The following PXDNL variants were observed in gnomAD, a reference collection of about 807,000 sequenced individuals.
PXDNL encodes probable oxidoreductase PXDNL.
A neutral mutation model predicts 150.8 loss-of-function variants in PXDNL; 145 were observed. The ratio of observed to expected loss-of-function variants is 0.96; its 90% CI spans 0.84 to 1.10. PXDNL has a LOEUF of 1.10. Ranked by LOEUF, PXDNL falls within the 50% of genes least tolerant of loss-of-function variation. PXDNL has a pLI of 0.00. For missense variants in PXDNL, 2,087 were observed against 1,873.9 expected (o/e 1.11, Z -2.10); for synonymous variants, 757 against 725.7 (o/e 1.04, Z -0.69).
chr8:51,368,153 C>T (rs1265630695), intron 19 of PXDNL, among the ~76,000 whole-genome samples: 1 of 151,982 alleles, frequency 6.6e-6, no homozygotes, highest in African/African-American at 2.4e-5. Flanking sequence ...CAAAACAAAA[C>T]AAAATGGTGG....
chr8:51,796,910 A>T (rs1007299138), intron 1 of PXDNL, among the ~76,000 whole-genome samples: 1 of 152,228 alleles, frequency 6.6e-6, no homozygotes, highest in Non-Finnish European at 1.5e-5. Flanking sequence ...ATGAGTATCA[A>T]TGCAAAAATC....
intron 3 of PXDNL, among the ~76,000 whole-genome samples, chr8:51,564,173 G>T (rs941421968): frequency 6.6e-6 from 1 of 151,792 alleles, no homozygotes; most frequent in Admixed American, 6.6e-5. Context: ...CTTTGAAGAC[G>T]CAGCTGCTTC....
chr8:51,566,327 C>A (rs1478045053), intron 3 of PXDNL, among the ~76,000 whole-genome samples: 1 of 151,696 alleles, frequency 6.6e-6, no homozygotes, highest in African/African-American at 2.4e-5. Flanking sequence ...AGTATTCCCT[C>A]TGTTTCTGTT....
intron 9 of PXDNL, among the ~76,000 whole-genome samples, chr8:51,455,080 C>A (rs1254717987): frequency 1.5e-5 from 1 of 66,590 alleles, no homozygotes; most frequent in Non-Finnish European, 2.3e-5. Flanking sequence ...CTGCAGTCCG[C>A]AGTCCGGCCT....
chr8:51,577,941 AAG>A (rs1813098760), intron 3 of PXDNL, among the ~76,000 whole-genome samples: 1 of 82,180 alleles, frequency 1.2e-5, no homozygotes, highest in Admixed American at 1.4e-4. Flanking sequence ...GAAAGAAAGA[AAG>A]AAAGAAAGAA....
intron 3 of PXDNL, among the ~76,000 whole-genome samples, chr8:51,580,045 A>G (rs1048285362): frequency 6.6e-6 from 1 of 151,634 alleles, no homozygotes; most frequent in East Asian, 1.9e-4. Context: ...AATAAAAAGA[A>G]AAAAGGCAAT....
intron 3 of PXDNL, among the ~76,000 whole-genome samples, chr8:51,566,769 C>T (rs964529770): frequency 2.7e-5 from 4 of 150,796 alleles, no homozygotes; most frequent in African/African-American, 7.3e-5. Context: ...TGTATTGTTT[C>T]CCATTTTCAC....
chr8:51,368,293 A>G (rs1269696038), intron 19 of PXDNL, among the ~76,000 whole-genome samples: 1 of 152,228 alleles, frequency 6.6e-6, no homozygotes, highest in Admixed American at 6.5e-5. Context: ...CAGAAATCCC[A>G]GCTCCATTAT....
chr8:51,402,514 G>A (rs144331257), intron 17 of PXDNL, among the ~76,000 whole-genome samples: 33 of 152,086 alleles, frequency 2.2e-4, no homozygotes, highest in African/African-American at 8.0e-4. Flanking sequence ...GAAAGACTCC[G>A]TCTCAAAATA....
At chr8:51,393,586 G>C (rs1807975410) in intron 17 of PXDNL, among the ~76,000 whole-genome samples, 1 of 152,224 alleles carries the variant, frequency 6.6e-6, no homozygotes. Context: ...ACCCTTCAAA[G>C]ATGTCCATGG....
intron 8 of PXDNL, among the ~76,000 whole-genome samples, chr8:51,460,415 C>T (rs771508986): frequency 1.4e-5 from 2 of 141,634 alleles, no homozygotes; most frequent in Non-Finnish European, 1.5e-5. Flanking sequence ...TAAACCTCAA[C>T]ATTATGAAAA....
At chr8:51,465,216 G>A (rs188189950) in intron 8 of PXDNL, among the ~76,000 whole-genome samples, 238 of 152,142 alleles carry the variant, frequency 1.6e-3, no homozygotes, top group Middle Eastern at 3.4e-3. Context: ...TGACCAAGTA[G>A]GCTTTATTCC....
rs1816684093 is a variant in PXDNL at position 51,719,470 on chromosome 8, C to T, written c.165-64710G>A. On this transcript the variant is annotated intron_variant, in intron 1 of 22. Coordinates refer to ENST00000356297, the MANE Select transcript of PXDNL (RefSeq NM_144651.5). ...TGCTCTTTAAGAGTCATCACCACTC[C>T]CTAATCTCAAGTACCCAGGGACACA... Among the ~76,000 whole-genome samples, 6 of 152,018 alleles carry T rather than the reference C, an allele frequency of 3.9e-5. No individual in the cohort carries two copies. The South Asian group carries it at 1.2e-3, about 32-fold the overall frequency.
chr8:51,771,395 T>C (rs1421291214), intron 1 of PXDNL, among the ~76,000 whole-genome samples: 1 of 152,030 alleles, frequency 6.6e-6, no homozygotes, highest in East Asian at 1.9e-4. Context: ...AGAGGAAAAA[T>C]AAACATTTAA....
At chr8:51,650,338 C>A (rs961980232) in intron 2 of PXDNL, among the ~76,000 whole-genome samples, 1 of 152,096 alleles carries the variant, frequency 6.6e-6, no homozygotes, top group Non-Finnish European at 1.5e-5. Context: ...CTTTGATCTG[C>A]CCTGACTCTT....
intron 5 of PXDNL, among the ~76,000 whole-genome samples, chr8:51,484,194 T>C (rs1037956372): frequency 6.6e-6 from 1 of 152,060 alleles, no homozygotes; most frequent in Non-Finnish European, 1.5e-5. Flanking sequence ...CCCAGCACTT[T>C]GGGAGGCCAA....
rs1380570282 is a variant in PXDNL at position 51,597,575 on chromosome 8, T to C, written c.237-4877A>G. Among the ~76,000 whole-genome samples, 3 of 152,264 alleles carry C rather than the reference T, an allele frequency of 2.0e-5. No homozygotes were observed. In the East Asian group the frequency reaches 5.8e-4, roughly 29 times the overall value. On this transcript the variant is annotated intron_variant, in intron 2 of 22. Transcript: ENST00000356297. ...CCATTTGCTTGTGTCATCTGTGATT[T>C]CTTTTAGCAGTTTTTTTTGTTTTGT...
At chr8:51,612,972 G>C (rs1814048133) in intron 2 of PXDNL, among the ~76,000 whole-genome samples, 1 of 152,160 alleles carries the variant, frequency 6.6e-6, no homozygotes, top group African/African-American at 2.4e-5. Flanking sequence ...TATGTCATCT[G>C]TTTCCTGTCA....
intron 1 of PXDNL, among the ~76,000 whole-genome samples, chr8:51,696,696 CACACATCCACACACA>C (rs1563510008): frequency 1.2e-4 from 15 of 126,272 alleles, no homozygotes; most frequent in East Asian, 2.5e-4. Flanking sequence ...CACAGGTCCA[CACACATCCACACACA>C]GGTTCACACA....
Sources: gnomAD v4.1 joint callset for allele counts (sites outside exome capture counted in the v4.1 genomes callset) on GRCh38, gnomAD v4.1.1 for gene constraint, MANE v1.5 for transcripts, NCBI Gene and HGNC (gene_info 2026-07-23, HGNC 2026-07-21) for gene names.